ABR: variants seen among roughly 807,000 people sequenced by gnomAD.
ABR encodes ABR activator of RhoGEF and GTPase, also known as active breakpoint cluster region-related protein.
A neutral mutation model predicts 107.2 loss-of-function variants in ABR; 35 were observed. The ratio of observed to expected loss-of-function variants is 0.33; its 90% CI spans 0.25 to 0.43. ABR has a LOEUF of 0.43. Among genes scored for constraint, ABR ranks in the 20% least tolerant of loss-of-function variants. ABR has a pLI of 1.00. For synonymous variants in ABR, 498 were observed against 462.0 expected (o/e 1.08, Z -1.00); for missense variants, 815 against 1,115.2 (o/e 0.73, Z 3.83).
At position 1,081,327 on chromosome 17, in the gene ABR, G is replaced by A. The variant is rs573409148; in HGVS notation, c.640-1937C>T. 1.2e-4 allele frequency among the ~76,000 whole-genome samples: 18 copies of A among 152,246 alleles called. 1 individual carries two copies. In the South Asian group the frequency reaches 3.1e-3, roughly 26 times the overall value. ...TGGGCTCAAGCCAATCTCCCGCCTC[G>A]GCCTCCCAAAGTGCTGGGATTACAG... On this transcript the variant is annotated intron_variant, in intron 5 of 22. Transcript: ENST00000302538.
At chr17:1,110,250 A>G (rs1023492309) in intron 2 of ABR, among the ~76,000 whole-genome samples, 27 of 151,972 alleles carry the variant, frequency 1.8e-4, no homozygotes, top group African/African-American at 6.0e-4. Flanking sequence ...CCAGATGCAC[A>G]TACACCTCCT....
At chr17:1,085,244 T>C (rs1478900630) in intron 4 of ABR, among the ~76,000 whole-genome samples, 5 of 147,020 alleles carry the variant, frequency 3.4e-5, no homozygotes, top group Admixed American at 2.7e-4. Flanking sequence ...TCCTGAGTGG[T>C]TGGGACTACA....
intron 1 of ABR, among the ~76,000 whole-genome samples, chr17:1,223,197 C>T (rs145337055): frequency 2.0e-5 from 3 of 150,892 alleles, no homozygotes; most frequent in Non-Finnish European, 4.4e-5. Context: ...AGCCATACTC[C>T]ATCTCAAAAA....
chr17:1,126,000 C>T (rs1289491694), intron 1 of ABR, among the ~76,000 whole-genome samples: 2 of 152,258 alleles, frequency 1.3e-5, no homozygotes, highest in East Asian at 1.9e-4. Flanking sequence ...TCCTCGGAGC[C>T]GGTGCTTATT....
At chr17:1,095,541 G>A (rs982974416) in intron 3 of ABR, among the ~76,000 whole-genome samples, 1 of 152,164 alleles carries the variant, frequency 6.6e-6, no homozygotes, top group Non-Finnish European at 1.5e-5. Flanking sequence ...GCACGGCACA[G>A]CCATTCTGCC....
chr17:1,100,124 C>CT (rs2037765241), intron 3 of ABR, among the ~76,000 whole-genome samples: 1 of 94,916 alleles, frequency 1.1e-5, no homozygotes, highest in Admixed American at 1.2e-4. Flanking sequence ...AAAGCTCCGT[C>CT]TTAAAAAAAA....
At chr17:1,043,501 A>G (rs953500320) in intron 16 of ABR, among the ~76,000 whole-genome samples, 1 of 151,200 alleles carries the variant, frequency 6.6e-6, no homozygotes, top group Non-Finnish European at 1.5e-5. Flanking sequence ...ACTTTATGTT[A>G]TGTATATTTC....
intron 13 of ABR, 42 bp from the exon 14 acceptor site, chr17:1,056,151 G>C: frequency 6.3e-7 from 1 of 1,575,418 alleles, no homozygotes; most frequent in Non-Finnish European, 8.7e-7. Flanking sequence ...GTGGTCAGCG[G>C]ATCCCCTCAG....
chr17:1,058,502 G>T (rs2033593482), intron 11 of ABR, among the ~76,000 whole-genome samples: 2 of 152,092 alleles, frequency 1.3e-5, no homozygotes, highest in Admixed American at 1.3e-4. Flanking sequence ...GGGTGGGTGG[G>T]TGAAGGGGGA....
rs965247342 is a variant in ABR at position 1,179,115 on chromosome 17, C to T, written c.61+552G>A. Among the ~76,000 whole-genome samples, 1 of 151,934 alleles carries T rather than the reference C, an allele frequency of 6.6e-6. No individual in the cohort carries two copies. Among genetic ancestry groups the T allele is most frequent in the Non-Finnish European group, 1.5e-5 (1 of 67,950 alleles). ...TTCAGCTCCCGCATCCAAACGGCCCCCGCGGATATCTGCACCCCCCGTCTC... is the reference window on the plus strand; with the variant it reads ...TTCAGCTCCCGCATCCAAACGGCCCTCGCGGATATCTGCACCCCCCGTCTC... On this transcript the variant is annotated intron_variant, in intron 1 of 22. Coordinates refer to ENST00000302538, the MANE Select transcript of ABR (RefSeq NM_021962.5). This position sits in a 1 kb window ranked among gnomAD's most constrained non-coding sequence, Gnocchi z 4.9.
chr17:1,175,134 G>A (rs527782282), intron 1 of ABR, among the ~76,000 whole-genome samples: 5 of 152,360 alleles, frequency 3.3e-5, no homozygotes, highest in South Asian at 2.1e-4. Flanking sequence ...AAACATGGCC[G>A]GGCGCAGGGG....
chr17:1,108,978 G>C, intron 2 of ABR: 1 of 1,597,848 alleles, frequency 6.3e-7, no homozygotes, highest in Non-Finnish European at 8.5e-7. Flanking sequence ...GGGCTGGTCG[G>C]GGTTCCCAGC....
chr17:1,183,012 T>C (rs912277452), upstream of ABR, among the ~76,000 whole-genome samples: 1 of 151,624 alleles, frequency 6.6e-6, no homozygotes, highest in Non-Finnish European at 1.5e-5. Context: ...CACTGAGGAG[T>C]TGGGGAGATC....
intron 6 of ABR, among the ~76,000 whole-genome samples, chr17:1,075,016 C>T (rs189769236): frequency 2.8e-4 from 42 of 152,360 alleles, no homozygotes; most frequent in Admixed American, 1.2e-3. Flanking sequence ...CCTGAAGCAA[C>T]TCAGGTTAGG....
intron 9 of ABR, 41 bp downstream of exon 9, chr17:1,069,928 A>G: frequency 2.3e-6 from 2 of 887,828 alleles, no homozygotes; most frequent in Non-Finnish European, 3.0e-6. Flanking sequence ...AGAGGTCCGG[A>G]CCCCCTCCCC....
chr17:1,075,971 G>A (rs1309603645), intron 6 of ABR, among the ~76,000 whole-genome samples: 1 of 152,226 alleles, frequency 6.6e-6, no homozygotes, highest in Non-Finnish European at 1.5e-5. Flanking sequence ...GAATCCAGGA[G>A]GCAGAGGTTG....
intron 1 of ABR, among the ~76,000 whole-genome samples, chr17:1,131,086 C>T (rs998510419): frequency 8.6e-5 from 13 of 150,864 alleles, no homozygotes; most frequent in Admixed American, 2.6e-4. Context: ...GCACACAGCT[C>T]GCCCCTTTGC....
intron 16 of ABR, chr17:1,031,566 C>T: frequency 8.9e-7 from 1 of 1,121,978 alleles, no homozygotes; most frequent in Non-Finnish European, 1.1e-6. Context: ...CCCGAGCCCC[C>T]ACCCCCCGGA....
At chr17:1,173,666 C>A (rs1369159231) in intron 1 of ABR, among the ~76,000 whole-genome samples, 1 of 152,116 alleles carries the variant, frequency 6.6e-6, no homozygotes, top group African/African-American at 2.4e-5. Flanking sequence ...GTTTCTGCTG[C>A]GGGGAGGAGC....
Sources: allele counts gnomAD v4.1 joint callset (sites outside exome capture counted in the v4.1 genomes callset), GRCh38; gene constraint gnomAD v4.1.1; non-coding constraint Gnocchi (gnomAD v3.1); transcripts MANE v1.5; gene names NCBI Gene and HGNC (gene_info 2026-07-23, HGNC 2026-07-21).